Variants in PCDHGA8 observed in about 807,000 individuals in gnomAD.
PCDHGA8 encodes the protein protocadherin gamma-A8.
Under a neutral mutation model 59.2 loss-of-function variants are expected in PCDHGA8, and 45 were observed. The ratio of observed to expected loss-of-function variants is 0.76; its 90% CI spans 0.60 to 0.98. The LOEUF is 0.98. Among genes scored for constraint, PCDHGA8 ranks in the 50% least tolerant of loss-of-function variants. The pLI is 0.00. For missense variants in PCDHGA8, 1,257 were observed against 1,196.2 expected, an observed-to-expected ratio of 1.05 and a Z score of -0.75; for synonymous variants, 531 against 519.0, an observed-to-expected ratio of 1.02 and a Z score of -0.32.
At chr5:141,415,696 G>C (rs867312295) in intron 1 of PCDHGA8, 12 of 1,397,434 alleles carry the variant, frequency 8.6e-6, no homozygotes, top group Non-Finnish European at 1.1e-5. Flanking sequence ...GGTGGAAAGT[G>C]TAAATGCTAA....
chr5:141,463,438 CTTTTTTTTTT>C (rs71576115), intron 1 of PCDHGA8, among the ~76,000 whole-genome samples: 6 of 103,254 alleles, frequency 5.8e-5, no homozygotes, highest in Non-Finnish European at 9.4e-5. Flanking sequence ...TTTCCTTCTC[CTTTTTTTTTT>C]TTTTTTTTTT....
rs1374190670 is a variant in PCDHGA8 at position 141,487,196 on chromosome 5, G to C, written c.2425-7611G>C. ...GGAAGACACTCATCCAGTTGTCCCAGATCTTCGAGAATCTTCAGCTCCAAG... is the reference window on the plus strand; with the variant it reads ...GGAAGACACTCATCCAGTTGTCCCACATCTTCGAGAATCTTCAGCTCCAAG... On this transcript the variant is annotated intron_variant, in intron 1 of 3. Coordinates refer to ENST00000398604, the MANE Select transcript of PCDHGA8 (RefSeq NM_032088.2). The surrounding 1 kb of genome is among the most constrained non-coding windows in gnomAD (Gnocchi z 5.0). 6.2e-7 allele frequency: 1 copy of C among 1,613,878 alleles called. No homozygotes were observed. Among genetic ancestry groups the C allele is most frequent in the Admixed American group, 1.7e-5 (1 of 60,030 alleles).
At chr5:141,400,769 T>C (rs2094071773) in intron 1 of PCDHGA8, 2 of 575,796 alleles carry the variant, frequency 3.5e-6, no homozygotes, top group Admixed American at 3.4e-5. Flanking sequence ...GCAAAAACAT[T>C]TGGTGCGTTT....
chr5:141,395,788 C>A (rs1254748153), intron 1 of PCDHGA8: 2 of 152,198 alleles, frequency 1.3e-5, no homozygotes, highest in African/African-American at 4.8e-5. Context: ...AACTTTAATA[C>A]TTCTTACCAT....
chr5:141,490,566 C>T lies in PCDHGA8; in HGVS notation c.2425-4241C>T. 3 of 1,614,132 alleles carry T rather than the reference C, an allele frequency of 1.9e-6. No homozygotes were observed. Among genetic ancestry groups the T allele is most frequent in the Non-Finnish European group, 2.5e-6 (3 of 1,180,028 alleles). On this transcript the variant is annotated intron_variant, in intron 1 of 3. Transcript: ENST00000398604. This position sits in a 1 kb window ranked among gnomAD's most constrained non-coding sequence, Gnocchi z 5.4. ...TACACAAACATCTCACCATCAGGCT[C>T]AACATTTCAGATGTCAATGACAATG...
At chr5:141,406,827 A>G (rs2094856328) in intron 1 of PCDHGA8, among the ~76,000 whole-genome samples, 1 of 152,242 alleles carries the variant, frequency 6.6e-6, no homozygotes, top group South Asian at 2.1e-4. Context: ...CTAGAAATGA[A>G]CTTGCATATC....
intron 1 of PCDHGA8, chr5:141,420,166 A>G: frequency 1.2e-6 from 2 of 1,614,036 alleles, no homozygotes; most frequent in Non-Finnish European, 1.7e-6. Flanking sequence ...ATTTTTTCAC[A>G]TCTGTTGATC....
Position 141,491,170 on chromosome 5 carries a change from G to A in PCDHGA8, c.2425-3637G>A. The stretch of plus-strand genomic sequence containing the variant: ...GGAGGATGACTCTGACACCCAGCAG[G>A]TGGTGGTCCTGGTGAGGGACAATGG... On this transcript the variant is annotated intron_variant, in intron 1 of 3. Coordinates refer to ENST00000398604, the MANE Select transcript of PCDHGA8 (RefSeq NM_032088.2). The surrounding 1 kb of genome is among the most constrained non-coding windows in gnomAD (Gnocchi z 6.9). 6.2e-7 allele frequency: 1 copy of A among 1,614,176 alleles called. No individual in the cohort carries two copies. Among genetic ancestry groups the A allele is most frequent in the Non-Finnish European group, 8.5e-7 (1 of 1,179,996 alleles).
Position 141,431,222 on chromosome 5 carries a change from C to A in PCDHGA8, c.2424+35985C>A. On this transcript the variant is annotated intron_variant, in intron 1 of 3. Transcript: ENST00000398604. The surrounding 1 kb of genome is among the most constrained non-coding windows in gnomAD (Gnocchi z 4.8). ...AGCCACTGAGATGCGGTTCCCTCTA[C>A]CCCACGCCTGGGATCCGGATATCGG... 3 of 1,614,170 alleles carry A rather than the reference C, an allele frequency of 1.9e-6. No individual in the cohort carries two copies. The highest frequency in any genetic ancestry group is 2.5e-6 in the Non-Finnish European group (3 of 1,180,034).
In PCDHGA8 at chr5:141,512,237, G is replaced by A. The variant is rs2099884134; in HGVS notation, c.*1064G>A. ...AGGACCAGGTCCCCTTGAGAGGTCA[G>A]AGGGGCCTCTGTGGGTGCTGGGTAC... On this transcript the variant is annotated 3_prime_UTR_variant, in exon 4 of 4. Transcript: ENST00000398604. 1 of 152,774 alleles carries A rather than the reference G, an allele frequency of 6.5e-6. No homozygotes were observed. The highest frequency in any genetic ancestry group is 1.5e-5 in the Non-Finnish European group (1 of 68,148). The allele number at this position is 152,774 out of a possible 1,614,324, so 9.5% of individuals were successfully genotyped here.
rs114492681 is a variant in PCDHGA8, at chr5:141,408,401, C to A, written c.2424+13164C>A. 1.5e-3 allele frequency: 2,364 copies of A among 1,614,010 alleles called. 32 individuals are homozygous for A. The African/African-American group carries it at 0.028, about 19-fold the overall frequency. On this transcript the variant is annotated intron_variant, in intron 1 of 3. Coordinates refer to ENST00000398604, the MANE Select transcript of PCDHGA8 (RefSeq NM_032088.2). ...CCTGGATGTGTCGGCTCGCAAGCTG[C>A]GAGTGAGCGCGGAGAAGCTGCACTT...
At chr5:141,465,094 GT>G (rs138941665) in intron 1 of PCDHGA8, among the ~76,000 whole-genome samples, 203 of 148,178 alleles carry the variant, frequency 1.4e-3, no homozygotes, top group Admixed American at 7.3e-3. Context: ...TTTTCTAGTA[GT>G]TTTTTTTTTA....
At position 141,490,857 on chromosome 5, in the gene PCDHGA8, C is replaced by G; in HGVS notation, c.2425-3950C>G. 6.2e-7 allele frequency: 1 copy of G among 1,613,832 alleles called. No homozygotes were observed. Among genetic ancestry groups the G allele is most frequent in the Admixed American group, 1.7e-5 (1 of 60,012 alleles). On this transcript the variant is annotated intron_variant, in intron 1 of 3. Coordinates refer to ENST00000398604, the MANE Select transcript of PCDHGA8 (RefSeq NM_032088.2). The surrounding 1 kb of genome is among the most constrained non-coding windows in gnomAD (Gnocchi z 5.4). ...AGATTGTGGTGGGGGTTCGAGACTCCGGCTCTCCCCCATTGCATGCCAACA... is the reference window on the plus strand; with the variant it reads ...AGATTGTGGTGGGGGTTCGAGACTCGGGCTCTCCCCCATTGCATGCCAACA...
At chr5:141,494,940 AG>A (rs888721888) in intron 2 of PCDHGA8, 75 bp downstream of exon 2, 1 of 1,610,860 alleles carries the variant, frequency 6.2e-7, no homozygotes, top group Non-Finnish European at 8.5e-7. Flanking sequence ...GAGATGGGGG[AG>A]GGCCCAGCAT....
rs764363553 is a variant in PCDHGA8 at position 141,432,120 on chromosome 5, A to C, written c.2424+36883A>C. The C allele has an allele frequency of 1.2e-6, 2 of 1,613,978 alleles. No homozygotes were observed. Among genetic ancestry groups the C allele is most frequent in the African/African-American group, 2.7e-5 (2 of 74,894 alleles). ...AACGACAACCCGCCGGTCTTCCCTC[A>C]GGCCTCCTATTCCGCTTATATCCCA... On this transcript the variant is annotated intron_variant, in intron 1 of 3. Transcript: ENST00000398604. The surrounding 1 kb of genome is among the most constrained non-coding windows in gnomAD (Gnocchi z 6.0).
At position 141,477,118 on chromosome 5, in the gene PCDHGA8, A is replaced by T. The variant is rs2099405787; in HGVS notation, c.2425-17689A>T. The T allele has an allele frequency of 6.2e-7, 1 of 1,614,228 alleles. No homozygotes were observed. Among genetic ancestry groups the T allele is most frequent in the Non-Finnish European group, 8.5e-7 (1 of 1,180,034 alleles). On this transcript the variant is annotated intron_variant, in intron 1 of 3. Coordinates refer to ENST00000398604, the MANE Select transcript of PCDHGA8 (RefSeq NM_032088.2). This position sits in a 1 kb window ranked among gnomAD's most constrained non-coding sequence, Gnocchi z 4.9. ...ACAAGGGCGCCAATCCCGAAGGAGC[A>T]CATTGCAAAGTGTTGGTGGAGGTTG...
At chr5:141,460,981 GTGTATA>G (rs1450537646) in intron 1 of PCDHGA8, among the ~76,000 whole-genome samples, 10 of 121,882 alleles carry the variant, frequency 8.2e-5, no homozygotes, top group African/African-American at 3.1e-4. Flanking sequence ...GTGTGTGTGT[GTGTATA>G]TATATATATG....
chr5:141,433,056 G>C, intron 1 of PCDHGA8: 10 of 1,614,204 alleles, frequency 6.2e-6, no homozygotes, highest in Non-Finnish European at 8.5e-6. Context: ...TCGCGGAAGA[G>C]TCACCTGATC....
intron 1 of PCDHGA8, chr5:141,478,018 C>T: frequency 1.9e-6 from 3 of 1,614,124 alleles, no homozygotes; most frequent in Non-Finnish European, 2.5e-6. Context: ...CCCGTCCAGT[C>T]CAAGACACAG....
Sources: gnomAD v4.1 joint callset for allele counts (sites outside exome capture counted in the v4.1 genomes callset) on GRCh38, gnomAD v4.1.1 for gene constraint, Gnocchi (gnomAD v3.1) non-coding constraint, MANE v1.5 for transcripts, NCBI Gene and HGNC (gene_info 2026-07-23, HGNC 2026-07-21) for gene names.